ZNF177: variants seen among roughly 807,000 people sequenced by gnomAD.
The protein encoded by ZNF177 is zinc finger protein 177.
ZNF177 carries 17 observed loss-of-function variants against 19.4 expected under a neutral mutation model. The ratio of observed to expected loss-of-function variants is 0.87; its 90% confidence interval spans 0.60 to 1.31. The LOEUF is 1.31. Among genes scored for constraint, ZNF177 ranks in the 40% most tolerant of loss-of-function variants. The probability of loss-of-function intolerance (pLI) is 0.00; values close to 1 mark genes in which losing one functional copy is unlikely to be tolerated. For missense variants in ZNF177, 633 were observed against 561.8 expected (o/e 1.13, Z -1.28); for synonymous variants, 220 against 188.7 (o/e 1.17, Z -1.36).
At chr19:9,369,399 G>A (rs544947501) in intron 2 of ZNF177, among the ~76,000 whole-genome samples, 2 of 152,010 alleles carry the variant, frequency 1.3e-5, no homozygotes, top group African/African-American at 4.8e-5. Context: ...CAAAATCTAT[G>A]AAATTAATTT....
intron 2 of ZNF177, among the ~76,000 whole-genome samples, chr19:9,370,609 A>G (rs537047769): frequency 9.9e-4 from 151 of 152,054 alleles, no homozygotes; most frequent in Middle Eastern, 3.4e-3. Context: ...TTTTGTAGAG[A>G]CAGGGTGCTG....
chr19:9,365,427 C>A (rs1284744742), intron 2 of ZNF177, among the ~76,000 whole-genome samples: 3 of 151,682 alleles, frequency 2.0e-5, no homozygotes, highest in African/African-American at 7.3e-5. Context: ...GGTTCTTGCA[C>A]CCCAGAAAAG....
chr19:9,370,408 GTTTT>G (rs397970717), intron 2 of ZNF177, among the ~76,000 whole-genome samples: 1 of 140,978 alleles, frequency 7.1e-6, no homozygotes, highest in African/African-American at 2.6e-5. Flanking sequence ...TGGTTGGTTT[GTTTT>G]TTTTTTGTTT....
At chr19:9,376,795 A>G (rs1283650406) in intron 1 of ZNF177, among the ~76,000 whole-genome samples, 3 of 152,122 alleles carry the variant, frequency 2.0e-5, no homozygotes, top group Non-Finnish European at 4.4e-5. Context: ...TACACTAGAG[A>G]TAAGTTATTT....
At chr19:9,368,487 G>A (rs556978636) in intron 2 of ZNF177, among the ~76,000 whole-genome samples, 4 of 152,164 alleles carry the variant, frequency 2.6e-5, no homozygotes, top group South Asian at 4.1e-4. Context: ...AATTTTGCCC[G>A]ATTTTTTTCC....
exon 6 of ZNF177, chr19:9,382,136 C>A (rs2068212762): frequency 2.5e-6 from 1 of 399,492 alleles, no homozygotes; most frequent in Non-Finnish European, 4.4e-6. Context: ...GTTGCTGTCT[C>A]AATATCCATT....
At chr19:9,370,829 G>T (rs1434735878) in intron 2 of ZNF177, among the ~76,000 whole-genome samples, 1 of 152,146 alleles carries the variant, frequency 6.6e-6, no homozygotes, top group Non-Finnish European at 1.5e-5. Context: ...TTGATCTGTG[G>T]TCGAGTAGCC....
upstream of ZNF177, among the ~76,000 whole-genome samples, chr19:9,371,915 TAATC>T: frequency 6.6e-6 from 1 of 152,328 alleles, no homozygotes; most frequent in South Asian, 2.1e-4. Flanking sequence ...TATAGTATCT[TAATC>T]TATATCCATT....
At chr19:9,373,425 C>T (rs576452784), upstream of ZNF177, among the ~76,000 whole-genome samples, 1 of 152,170 alleles carries the variant, frequency 6.6e-6, no homozygotes, top group African/African-American at 2.4e-5. Context: ...ACAGATACCT[C>T]TTTAAGATAT....
upstream of ZNF177, among the ~76,000 whole-genome samples, chr19:9,375,884 T>A (rs188754423): frequency 1.6e-4 from 25 of 152,294 alleles, no homozygotes; most frequent in East Asian, 4.6e-3. Context: ...TTCTTTTTCC[T>A]TCTACTGACT....
At chr19:9,382,188 C>G (rs998347099), downstream of ZNF177, 1 of 404,912 alleles carries the variant, frequency 2.5e-6, no homozygotes, top group Non-Finnish European at 4.4e-6. Flanking sequence ...CCATTTAGTT[C>G]AAGCTGGCAA....
chr19:9,374,123 A>T (rs2068081584), upstream of ZNF177, among the ~76,000 whole-genome samples: 1 of 152,138 alleles, frequency 6.6e-6, no homozygotes. Context: ...ACATGTGGAT[A>T]TCTAGTTTTC....
upstream of ZNF177, among the ~76,000 whole-genome samples, chr19:9,373,771 C>G (rs960872304): frequency 6.6e-6 from 1 of 151,988 alleles, no homozygotes; most frequent in African/African-American, 2.4e-5. Context: ...GATCCTTTAC[C>G]CATTTTTTAT....
At chr19:9,370,902 T>C (rs767036418) in intron 2 of ZNF177, among the ~76,000 whole-genome samples, 11 of 152,210 alleles carry the variant, frequency 7.2e-5, no homozygotes, top group Non-Finnish European at 1.0e-4. Flanking sequence ...GCTTTGACAG[T>C]TACCAATATT....
intron 2 of ZNF177, among the ~76,000 whole-genome samples, chr19:9,367,368 A>C (rs2122491386): frequency 6.6e-6 from 1 of 152,226 alleles, no homozygotes; most frequent in African/African-American, 2.4e-5. Context: ...TCAGCCCGAA[A>C]GTTTTCAGGT....
intron 5 of ZNF177, among the ~76,000 whole-genome samples, 164 bp downstream of exon 7, chr19:9,380,303 A>T (rs1049159589): frequency 6.6e-6 from 1 of 152,202 alleles, no homozygotes; most frequent in Non-Finnish European, 1.5e-5. Flanking sequence ...GAAATTGGAG[A>T]AATCTGTAAA....
rs1002149985 is a variant in ZNF177, at chr19:9,381,898, G to T, written c.*121G>T. On this transcript the variant is annotated 3_prime_UTR_variant, in exon 6 of 6. Coordinates refer to ENST00000589262, the Ensembl canonical transcript of ZNF177. ...CCTTCTGGCCCAACTCTGGATGCCTGTTATACTGGGACAAACCTTATAAAT... is the reference window on the plus strand; with the variant it reads ...CCTTCTGGCCCAACTCTGGATGCCTTTTATACTGGGACAAACCTTATAAAT... 1.6e-5 allele frequency: 23 copies of T among 1,416,360 alleles called. No individual in the cohort carries two copies. The Admixed American group carries it at 3.1e-4, about 19-fold the overall frequency. 87.7% of individuals were successfully genotyped at this position (1,416,360 alleles called of 1,614,324 possible). A position where few individuals can be genotyped will look rare whatever the true frequency, so the allele number is the denominator to read the frequency against.
Position 9,369,704 on chromosome 19 carries a change from A to AT in ZNF177, c.-304-1897dup, listed in dbSNP as rs201324698. On this transcript the variant is annotated intron_variant, in intron 2 of 8. Coordinates refer to the ZNF177 transcript ENST00000343499. ...TATTTTTCTTACCTTTGGAATTGAG[A>AT]TTTTTTTTTAACCTAATTCCATTTT... is the stretch of plus-strand genomic sequence containing the variant. Among the ~76,000 whole-genome samples, 606 of 150,678 alleles carry AT rather than the reference A, an allele frequency of 4.0e-3. 2 individuals are homozygous for AT. Among genetic ancestry groups the AT allele is most frequent in the Non-Finnish European group, 6.8e-3 (458 of 67,544 alleles).
rs761773896 is a variant in ZNF177 at position 9,378,331 on chromosome 19, C to CA, written c.22dup (p.Thr8AsnfsTer41). On this transcript the variant is annotated frameshift_variant, in exon 2 of 6. Transcript: ENST00000589262. LOFTEE classifies it high-confidence loss of function. Reference sequence around the variant, plus strand: ...GGAAGAATGGCTGCAGGGTGGCTGACAACCTGGTCACAGGTACACAAGAAA... The same window carrying CA: ...GGAAGAATGGCTGCAGGGTGGCTGACAAACCTGGTCACAGGTACACAAGAAA... 1 of 1,613,674 alleles carries CA rather than the reference C, an allele frequency of 6.2e-7. No individual in the cohort carries two copies. The highest frequency in any genetic ancestry group is 2.2e-5 in the East Asian group (1 of 44,866).
Sources: allele counts gnomAD v4.1 joint callset (sites outside exome capture counted in the v4.1 genomes callset), GRCh38; gene constraint gnomAD v4.1.1; transcripts MANE v1.5; gene names NCBI Gene and HGNC (gene_info 2026-07-23, HGNC 2026-07-21).